The following IL12RB2 variants were observed in gnomAD, a reference collection of about 807,000 sequenced individuals.
IL12RB2 encodes the protein interleukin-12 receptor subunit beta-2.
IL12RB2 carries 82 observed loss-of-function variants against 89.4 expected under a neutral mutation model. The ratio of observed to expected loss-of-function variants is 0.92; its 90% CI spans 0.77 to 1.10. The LOEUF (loss-of-function observed/expected upper bound fraction) is 1.10. Among genes scored for constraint, IL12RB2 ranks in the 50% least tolerant of loss-of-function variants. The probability of loss-of-function intolerance (pLI) is 0.00; values close to 1 mark genes in which losing one functional copy is unlikely to be tolerated. For missense variants in IL12RB2, 963 were observed against 1,031.9 expected (o/e 0.93, Z 0.92); for synonymous variants, 368 against 370.1 (o/e 0.99, Z 0.07).
intron 10 of IL12RB2, among the ~76,000 whole-genome samples, chr1:67,354,447 C>T (rs1013471521): frequency 6.6e-6 from 1 of 152,116 alleles, no homozygotes; most frequent in African/African-American, 2.4e-5. Context: ...ACACTTCATC[C>T]TCTGAGAGTG....
Position 67,334,700 on chromosome 1 carries a change from C to T in IL12RB2, c.958+3890C>T, listed in dbSNP as rs1037079837. 3.9e-5 allele frequency among the ~76,000 whole-genome samples: 6 copies of T among 152,266 alleles called. No homozygotes were observed. The East Asian group carries it at 7.7e-4, about 20-fold the overall frequency. ...TTCACCGTGTTAGCCAGGATGGTCT[C>T]GATCTCCTGACCTTGGGATCTGTCT... On this transcript the variant is annotated intron_variant, in intron 8 of 16. Transcript: ENST00000674203.
At chr1:67,350,161 A>T (rs1231616863) in intron 9 of IL12RB2, among the ~76,000 whole-genome samples, 1 of 152,078 alleles carries the variant, frequency 6.6e-6, no homozygotes, top group Non-Finnish European at 1.5e-5. Flanking sequence ...AGACTTGACA[A>T]CTCTCCATAT....
chr1:67,323,333 C>T (rs890128719), intron 4 of IL12RB2, among the ~76,000 whole-genome samples: 6 of 152,180 alleles, frequency 3.9e-5, no homozygotes, highest in Admixed American at 6.5e-5. Flanking sequence ...TGACAGCCTG[C>T]GGTATAGTAG....
chr1:67,355,908 C>A (rs1371563238), intron 10 of IL12RB2, among the ~76,000 whole-genome samples: 2 of 152,186 alleles, frequency 1.3e-5, no homozygotes, highest in Non-Finnish European at 2.9e-5. Flanking sequence ...GACAGAAGAA[C>A]CCTAGGCAAT....
At chr1:67,334,537 G>C (rs749894887) in intron 8 of IL12RB2, among the ~76,000 whole-genome samples, 7 of 152,194 alleles carry the variant, frequency 4.6e-5, no homozygotes, top group Non-Finnish European at 1.0e-4. Flanking sequence ...GGAGTGCAGT[G>C]GTGCGATCTC....
intron 8 of IL12RB2, among the ~76,000 whole-genome samples, chr1:67,338,360 A>C (rs1210526265): frequency 7.6e-6 from 1 of 131,894 alleles, no homozygotes; most frequent in Non-Finnish European, 1.6e-5. Flanking sequence ...AAAAAAAAAA[A>C]AAAAAAAAAA....
At chr1:67,341,516 A>AAGTAAG (rs762591476) in intron 9 of IL12RB2, among the ~76,000 whole-genome samples, 4,727 of 83,284 alleles carry the variant, frequency 0.057, 77 homozygotes, top group Non-Finnish European at 0.061. Context: ...GAAAGAAGGA[A>AAGTAAG]AGAAAAAAGA....
At chr1:67,330,009 C>T (rs1270160611) in intron 7 of IL12RB2, among the ~76,000 whole-genome samples, 1 of 151,822 alleles carries the variant, frequency 6.6e-6, no homozygotes, top group Non-Finnish European at 1.5e-5. Context: ...TTTACCCTGT[C>T]CTGTTATTAT....
chr1:67,310,996 T>C (rs1456531327), intron 1 of IL12RB2, among the ~76,000 whole-genome samples: 1 of 152,230 alleles, frequency 6.6e-6, no homozygotes, highest in Non-Finnish European at 1.5e-5. Flanking sequence ...GTGCTAGGAT[T>C]ACAGGTGTGA....
intron 13 of IL12RB2, among the ~76,000 whole-genome samples, chr1:67,379,004 C>T (rs191772983): frequency 6.6e-6 from 1 of 152,174 alleles, no homozygotes; most frequent in East Asian, 1.9e-4. Flanking sequence ...TCAAGATTAG[C>T]CTGGCCAACA....
intron 16 of IL12RB2, 121 bp from the exon 17 acceptor site, chr1:67,395,426 C>CATG: frequency 6.3e-7 from 1 of 1,588,026 alleles, no homozygotes; most frequent in Non-Finnish European, 8.6e-7. Flanking sequence ...CAGTGCCCAA[C>CATG]ATGTTCCAGC....
intron 2 of IL12RB2, among the ~76,000 whole-genome samples, chr1:67,314,202 G>A (rs569056968): frequency 3.9e-5 from 6 of 152,162 alleles, no homozygotes; most frequent in South Asian, 2.1e-4. Context: ...CTAGTAACTC[G>A]TGTAGCTCCT....
At chr1:67,318,040 T>A (rs1569719944) in intron 2 of IL12RB2, among the ~76,000 whole-genome samples, 1 of 152,036 alleles carries the variant, frequency 6.6e-6, no homozygotes, top group Admixed American at 6.6e-5. Flanking sequence ...TCTGGGGAAG[T>A]AACACATGAA....
At chr1:67,381,998 A>C (rs1196219501) in intron 14 of IL12RB2, among the ~76,000 whole-genome samples, 1 of 152,154 alleles carries the variant, frequency 6.6e-6, no homozygotes, top group African/African-American at 2.4e-5. Flanking sequence ...AAATAAAAAA[A>C]AATAAAAACA....
At chr1:67,325,758 T>G (rs991626869) in intron 4 of IL12RB2, among the ~76,000 whole-genome samples, 7 of 152,214 alleles carry the variant, frequency 4.6e-5, no homozygotes, top group Non-Finnish European at 7.3e-5. Context: ...ATTTTTTCAG[T>G]GTAGACAATA....
At chr1:67,393,498 A>C (rs1173269447) in intron 16 of IL12RB2, among the ~76,000 whole-genome samples, 1 of 152,358 alleles carries the variant, frequency 6.6e-6, no homozygotes, top group East Asian at 1.9e-4. Context: ...CTGTGGTAGC[A>C]GCACTTTGGC....
chr1:67,324,767 C>T lies in IL12RB2; in HGVS notation c.365-1968C>T, dbSNP rs138393798. On this transcript the variant is annotated intron_variant, in intron 4 of 16. Coordinates refer to ENST00000674203, the MANE Select transcript of IL12RB2 (RefSeq NM_001374259.2). ...ATAGTCCAGGGAGAAGTGATCAAGT[C>T]CTTATCTAGGACAGTGGCAATGGGA... 8.2e-3 allele frequency among the ~76,000 whole-genome samples: 1,246 copies of T among 152,288 alleles called. 16 individuals are homozygous for T. Among genetic ancestry groups the T allele is most frequent in the Non-Finnish European group, 0.014 (966 of 68,020 alleles).
intron 7 of IL12RB2, 100 bp from the exon 8 acceptor site, chr1:67,330,560 G>T (rs550157014): frequency 2.9e-6 from 2 of 690,204 alleles, no homozygotes; most frequent in African/African-American, 1.9e-5. Context: ...AAACAAATAA[G>T]ATCAAATAGC....
intron 8 of IL12RB2, among the ~76,000 whole-genome samples, chr1:67,332,184 T>A (rs1193261619): frequency 6.6e-6 from 1 of 151,602 alleles, no homozygotes; most frequent in Non-Finnish European, 1.5e-5. Context: ...CATAGAATAA[T>A]CTTATATTCT....
Sources: gnomAD v4.1 joint callset for allele counts (sites outside exome capture counted in the v4.1 genomes callset) on GRCh38, gnomAD v4.1.1 for gene constraint, MANE v1.5 for transcripts, NCBI Gene and HGNC (gene_info 2026-07-23, HGNC 2026-07-21) for gene names.